Variants in ENTREP2 observed in about 807,000 individuals in gnomAD.
ENTREP2 encodes the protein endosomal transmembrane epsin interactor 2, also known as protein ENTREP2.
the ENTREP2 span, among the ~76,000 whole-genome samples, chr15:29,594,863 G>A: frequency 1.3e-5 from 2 of 151,768 alleles, no homozygotes; most frequent in African/African-American, 4.8e-5. Context: ...TCAGGAGATC[G>A]AGATCATCCT....
the ENTREP2 span, among the ~76,000 whole-genome samples, chr15:29,544,319 A>G: frequency 1.3e-5 from 2 of 152,196 alleles, no homozygotes; most frequent in Non-Finnish European, 2.9e-5. Flanking sequence ...GACAGGAGGT[A>G]TAACAGTGGT....
the ENTREP2 span, among the ~76,000 whole-genome samples, chr15:29,530,678 T>G: frequency 3.3e-5 from 5 of 152,242 alleles, no homozygotes; most frequent in Non-Finnish European, 7.3e-5. Flanking sequence ...AGTCGTTCCC[T>G]GTGTCTCCCA....
chr15:29,254,225 G>C, the ENTREP2 span, among the ~76,000 whole-genome samples: 1 of 149,000 alleles, frequency 6.7e-6, no homozygotes, highest in Non-Finnish European at 1.5e-5. Flanking sequence ...ACACTTCAGG[G>C]TTATTTCTGC....
chr15:29,533,479 T>C, the ENTREP2 span, among the ~76,000 whole-genome samples: 2 of 152,290 alleles, frequency 1.3e-5, no homozygotes, highest in Middle Eastern at 3.4e-3. Context: ...GAAATACCTC[T>C]CTATTTTTCC....
At chr15:29,475,467 C>T in the ENTREP2 span, among the ~76,000 whole-genome samples, 304 of 152,278 alleles carry the variant, frequency 2.0e-3, 1 homozygote, top group African/African-American at 6.9e-3. Context: ...ACCGTTCACT[C>T]ACCGCACCTT....
chr15:29,575,802 G>A, the ENTREP2 span, among the ~76,000 whole-genome samples: 1 of 152,198 alleles, frequency 6.6e-6, no homozygotes, highest in Non-Finnish European at 1.5e-5. Context: ...AACCAAGGAA[G>A]TGAAGGCTTG....
the ENTREP2 span, among the ~76,000 whole-genome samples, chr15:29,264,697 C>G: frequency 2.4e-4 from 36 of 152,186 alleles, no homozygotes; most frequent in African/African-American, 8.2e-4. Context: ...AGGAAGGAGA[C>G]TAAAGAAACA....
chr15:29,118,496 AC>A, the ENTREP2 span, among the ~76,000 whole-genome samples: 1 of 152,176 alleles, frequency 6.6e-6, no homozygotes, highest in Non-Finnish European at 1.5e-5. Flanking sequence ...TGCTCTGGGC[AC>A]CAGGTGTCAG....
At chr15:29,314,838 G>A in the ENTREP2 span, among the ~76,000 whole-genome samples, 20 of 152,158 alleles carry the variant, frequency 1.3e-4, no homozygotes, top group African/African-American at 4.8e-4. Flanking sequence ...GATCGCTTGA[G>A]CTCAGGAGTT....
chr15:29,443,563 C>G, the ENTREP2 span, among the ~76,000 whole-genome samples: 1 of 152,100 alleles, frequency 6.6e-6, no homozygotes, highest in Non-Finnish European at 1.5e-5. Context: ...GATAAGTGAG[C>G]ATGAGGGTGT....
the ENTREP2 span, among the ~76,000 whole-genome samples, chr15:29,292,743 G>A: frequency 6.6e-6 from 1 of 152,140 alleles, no homozygotes; most frequent in African/African-American, 2.4e-5. Context: ...TATGTATATG[G>A]CTTGGAAAAT....
At chr15:29,377,980 G>T in the ENTREP2 span, among the ~76,000 whole-genome samples, 1 of 151,584 alleles carries the variant, frequency 6.6e-6, no homozygotes, top group Non-Finnish European at 1.5e-5. Context: ...CATCAACTGA[G>T]ACAGAAAATA....
chr15:29,507,752 G>T, the ENTREP2 span, among the ~76,000 whole-genome samples: 1 of 152,296 alleles, frequency 6.6e-6, no homozygotes, highest in South Asian at 2.1e-4. Flanking sequence ...AGCTAAAGTA[G>T]TGTTTAGAGG....
At chr15:29,235,684 G>A in the ENTREP2 span, among the ~76,000 whole-genome samples, 49 of 152,290 alleles carry the variant, frequency 3.2e-4, no homozygotes, top group South Asian at 2.5e-3. Flanking sequence ...AAAGAAGAGC[G>A]GCTGGGCGTG....
At chr15:29,492,365 G>T in the ENTREP2 span, among the ~76,000 whole-genome samples, 1 of 152,186 alleles carries the variant, frequency 6.6e-6, no homozygotes, top group Admixed American at 6.5e-5. Flanking sequence ...TGCATAGTGG[G>T]AAACACCTTG....
At chr15:29,229,963 TA>T in the ENTREP2 span, among the ~76,000 whole-genome samples, 11 of 150,236 alleles carry the variant, frequency 7.3e-5, no homozygotes, top group African/African-American at 1.5e-4. Flanking sequence ...AACTTAACAT[TA>T]AAAAAAAAAT....
the ENTREP2 span, among the ~76,000 whole-genome samples, chr15:29,259,945 C>A: frequency 6.6e-6 from 1 of 152,176 alleles, no homozygotes; most frequent in South Asian, 2.1e-4. Flanking sequence ...CAGTTTATTA[C>A]TCATTAAAAT....
chr15:29,402,340 A>G, the ENTREP2 span, among the ~76,000 whole-genome samples: 1 of 149,572 alleles, frequency 6.7e-6, no homozygotes, highest in Non-Finnish European at 1.5e-5. Flanking sequence ...ATTGGAGACA[A>G]GGTCTCCCTC....
the ENTREP2 span, among the ~76,000 whole-genome samples, chr15:29,655,697 G>C: frequency 6.6e-6 from 1 of 151,904 alleles, no homozygotes; most frequent in African/African-American, 2.4e-5. Context: ...CTATGAGAAA[G>C]AATCAAATGG....
Sources: gnomAD v4.1 joint callset for allele counts (sites outside exome capture counted in the v4.1 genomes callset) on GRCh38, gnomAD v4.1.1 for gene constraint, MANE v1.5 for transcripts, NCBI Gene and HGNC (gene_info 2026-07-23, HGNC 2026-07-21) for gene names.